Variants in CDH4 observed in about 807,000 individuals in gnomAD.
CDH4 encodes the protein cadherin-4.
A neutral mutation model predicts 86.0 loss-of-function variants in CDH4; 33 were observed. That is an observed-to-expected ratio of 0.38 (90% CI 0.29 to 0.51). CDH4 has a LOEUF of 0.51. Among genes scored for constraint, CDH4 ranks in the 20% least tolerant of loss-of-function variants. The pLI is 0.86. For missense variants in CDH4, 1,114 were observed against 1,307.4 expected (o/e 0.85, Z 2.28); for synonymous variants, 555 against 549.4 (o/e 1.01, Z -0.14).
intron 4 of CDH4, among the ~76,000 whole-genome samples, chr20:61,817,964 T>G (rs1980814370): frequency 6.6e-6 from 1 of 152,106 alleles, no homozygotes; most frequent in Admixed American, 6.5e-5. Context: ...CTTGCAGGGT[T>G]TCAGATGAAA....
chr20:61,333,116 G>A (rs1277563961), intron 2 of CDH4, among the ~76,000 whole-genome samples: 1 of 152,208 alleles, frequency 6.6e-6, no homozygotes, highest in East Asian at 1.9e-4. Context: ...GGCCTTTTGA[G>A]AGCAGGGAAC....
chr20:61,755,977 C>T (rs2088560379), intron 3 of CDH4, among the ~76,000 whole-genome samples: 1 of 152,234 alleles, frequency 6.6e-6, no homozygotes, highest in Non-Finnish European at 1.5e-5. Context: ...TGCATCACCC[C>T]AGGCTCACTT....
At chr20:61,391,171 C>A in intron 2 of CDH4, among the ~76,000 whole-genome samples, 1 of 152,048 alleles carries the variant, frequency 6.6e-6, no homozygotes, top group East Asian at 1.9e-4. Context: ...GAAAACACCC[C>A]CAAGATGTGC....
At chr20:61,327,677 C>T (rs534957727) in intron 2 of CDH4, among the ~76,000 whole-genome samples, 1 of 152,168 alleles carries the variant, frequency 6.6e-6, no homozygotes, top group African/African-American at 2.4e-5. Flanking sequence ...GGTCCTTTGA[C>T]AGCATCCACC....
chr20:61,819,700 C>T (rs1287873249), intron 4 of CDH4, among the ~76,000 whole-genome samples: 1 of 152,232 alleles, frequency 6.6e-6, no homozygotes, highest in Non-Finnish European at 1.5e-5. Context: ...CTCTAAGCCC[C>T]CTGCCAGGCT....
chr20:61,726,149 C>G lies in CDH4; in HGVS notation c.170-17414C>G, dbSNP rs1568780133. 1.3e-5 allele frequency among the ~76,000 whole-genome samples: 2 copies of G among 152,004 alleles called. 1 individual carries two copies. Among genetic ancestry groups the G allele is most frequent in the South Asian group, 4.2e-4 (2 of 4,796 alleles). The stretch of plus-strand genomic sequence containing the variant: ...GTCTCGGGGGGGACTGTGGTGAACC[C>G]TCTCCACTCCTGCAGCAACAAGTGT... On this transcript the variant is annotated intron_variant, in intron 2 of 15. Transcript: ENST00000614565.
chr20:61,579,551 T>C (rs762509743), intron 2 of CDH4, among the ~76,000 whole-genome samples: 9 of 152,046 alleles, frequency 5.9e-5, no homozygotes, highest in Non-Finnish European at 1.2e-4. Context: ...CCTCCCAAAG[T>C]GCTGGGATTA....
At chr20:61,604,951 T>C (rs1401273116) in intron 2 of CDH4, among the ~76,000 whole-genome samples, 2 of 152,186 alleles carry the variant, frequency 1.3e-5, no homozygotes, top group Non-Finnish European at 2.9e-5. Flanking sequence ...ACCACCTCCC[T>C]GAATAGGGGC....
chr20:61,644,620 C>A (rs750405513), intron 2 of CDH4, among the ~76,000 whole-genome samples: 24 of 152,200 alleles, frequency 1.6e-4, no homozygotes, highest in Admixed American at 5.2e-4. Context: ...TCAGGAGGGG[C>A]GGTCTCCCCA....
At chr20:61,558,267 C>G (rs1007548760) in intron 2 of CDH4, among the ~76,000 whole-genome samples, 6 of 152,272 alleles carry the variant, frequency 3.9e-5, no homozygotes, top group African/African-American at 1.2e-4. Flanking sequence ...ACCAAGAACC[C>G]TGTCCCTGGG....
chr20:61,308,024 G>C (rs1568791292), intron 2 of CDH4, among the ~76,000 whole-genome samples: 1 of 152,198 alleles, frequency 6.6e-6, no homozygotes, highest in African/African-American at 2.4e-5. Context: ...GGCATGGAGA[G>C]CTTCTGAAAC....
intron 8 of CDH4, among the ~76,000 whole-genome samples, chr20:61,898,015 C>T (rs940467698): frequency 1.3e-5 from 2 of 152,284 alleles, no homozygotes; most frequent in South Asian, 2.1e-4. Flanking sequence ...CTCCACCCTG[C>T]GGTGGCTTTT....
intron 2 of CDH4, among the ~76,000 whole-genome samples, chr20:61,622,954 G>C (rs1469166604): frequency 1.3e-5 from 2 of 152,206 alleles, no homozygotes; most frequent in Non-Finnish European, 2.9e-5. Context: ...GGGCCCAGGA[G>C]GCCTGGAGCC....
chr20:61,609,680 G>T (rs964229866), intron 2 of CDH4, among the ~76,000 whole-genome samples: 1 of 152,176 alleles, frequency 6.6e-6, no homozygotes, highest in African/African-American at 2.4e-5. Context: ...GGCCACGCTT[G>T]GTCACCTCGT....
intron 7 of CDH4, among the ~76,000 whole-genome samples, chr20:61,877,811 T>C (rs538051491): frequency 1.3e-5 from 2 of 152,206 alleles, no homozygotes; most frequent in Admixed American, 1.3e-4. Flanking sequence ...AGCAGAGCCA[T>C]GGTTCAGGGG....
intron 2 of CDH4, among the ~76,000 whole-genome samples, chr20:61,685,025 A>C (rs2087558924): frequency 6.6e-6 from 1 of 152,148 alleles, no homozygotes; most frequent in South Asian, 2.1e-4. Context: ...GCTGTCATCT[A>C]ATTGTGCAAC....
At chr20:61,633,859 T>C (rs1178330828) in intron 2 of CDH4, among the ~76,000 whole-genome samples, 1 of 152,222 alleles carries the variant, frequency 6.6e-6, no homozygotes, top group Non-Finnish European at 1.5e-5. Context: ...CTGTCCATAC[T>C]GTGCTCTTTA....
At chr20:61,652,946 T>TTA (rs1568735069) in intron 2 of CDH4, among the ~76,000 whole-genome samples, 26 of 121,702 alleles carry the variant, frequency 2.1e-4, no homozygotes, top group African/African-American at 6.5e-4. Context: ...TTATTTTTTT[T>TTA]TTTTTTTTTA....
intron 2 of CDH4, among the ~76,000 whole-genome samples, chr20:61,419,850 C>T (rs1409210458): frequency 1.3e-5 from 2 of 152,252 alleles, no homozygotes; most frequent in Non-Finnish European, 2.9e-5. Flanking sequence ...CCTAAGTACA[C>T]ATGTGTGCTC....
Sources: gnomAD v4.1 joint callset for allele counts (sites outside exome capture counted in the v4.1 genomes callset) on GRCh38, gnomAD v4.1.1 for gene constraint, MANE v1.5 for transcripts, NCBI Gene and HGNC (gene_info 2026-07-23, HGNC 2026-07-21) for gene names.